Variants in DSCAM observed in about 807,000 individuals in gnomAD.
DSCAM encodes cell adhesion molecule DSCAM.
A neutral mutation model predicts 217.7 loss-of-function variants in DSCAM; 47 were observed. The ratio of observed to expected loss-of-function variants is 0.22; its 90% CI spans 0.17 to 0.28. The LOEUF (loss-of-function observed/expected upper bound fraction) is 0.28, where lower values mean the gene tolerates loss of function less well. Among genes scored for constraint, DSCAM ranks in the 10% least tolerant of loss-of-function variants. DSCAM has a pLI of 1.00. For synonymous variants in DSCAM, 1,056 were observed against 1,015.3 expected, an observed-to-expected ratio of 1.04 and a Z score of -0.76; for missense variants, 2,080 against 2,618.3, an observed-to-expected ratio of 0.79 and a Z score of 4.49.
chr21:40,680,743 T>C (rs1266492415), intron 3 of DSCAM, among the ~76,000 whole-genome samples: 1 of 152,262 alleles, frequency 6.6e-6, no homozygotes. Context: ...GTAAATACTC[T>C]CATTACTTCT....
intron 16 of DSCAM, among the ~76,000 whole-genome samples, chr21:40,155,919 G>A (rs1386430828): frequency 6.6e-6 from 1 of 152,010 alleles, no homozygotes; most frequent in East Asian, 1.9e-4. Context: ...GGAGGGCAGG[G>A]CGTGGGAAGC....
At chr21:40,366,432 C>T (rs1434835237) in intron 4 of DSCAM, among the ~76,000 whole-genome samples, 1 of 152,076 alleles carries the variant, frequency 6.6e-6, no homozygotes, top group Non-Finnish European at 1.5e-5. Context: ...TAGAACTCTT[C>T]ATTTTTCTAA....
chr21:40,016,047 C>T lies in DSCAM; in HGVS notation c.5687-2661G>A, dbSNP rs1601226991. 2.0e-5 allele frequency among the ~76,000 whole-genome samples: 3 copies of T among 152,308 alleles called. No homozygotes were observed. The highest frequency in any genetic ancestry group is 7.2e-5 in the African/African-American group (3 of 41,558). On this transcript the variant is annotated intron_variant, in intron 32 of 32. Transcript: ENST00000400454. This position sits in a 1 kb window ranked among gnomAD's most constrained non-coding sequence, Gnocchi z 4.3. The stretch of plus-strand genomic sequence containing the variant: ...GTCTGAAGGACTCACCATCTTGGCA[C>T]ACCTGTAACTCGTGACATACCAGGT...
chr21:40,751,499 G>A (rs75732040), intron 1 of DSCAM, among the ~76,000 whole-genome samples: 4,238 of 152,262 alleles, frequency 0.028, 95 homozygotes, highest in Non-Finnish European at 0.043. Flanking sequence ...CATCACCATG[G>A]ATAAATCTCA....
chr21:40,347,298 C>CA (rs796531226), intron 6 of DSCAM, among the ~76,000 whole-genome samples: 2,914 of 79,218 alleles, frequency 0.037, 48 homozygotes, highest in Middle Eastern at 0.067. Context: ...AACTCCATCT[C>CA]AAAAAAAAAA....
chr21:40,763,860 A>G (rs2091360553), intron 1 of DSCAM, among the ~76,000 whole-genome samples: 1 of 152,246 alleles, frequency 6.6e-6, no homozygotes, highest in Admixed American at 6.5e-5. Context: ...TTCCCTATTT[A>G]ATAAATGGTG....
intron 3 of DSCAM, among the ~76,000 whole-genome samples, chr21:40,414,860 G>C (rs1328260710): frequency 6.6e-6 from 1 of 152,120 alleles, no homozygotes; most frequent in Non-Finnish European, 1.5e-5. Context: ...TCAAGACATG[G>C]GACAAAGGAA....
At chr21:40,743,316 A>G (rs920391426) in intron 1 of DSCAM, among the ~76,000 whole-genome samples, 2 of 152,198 alleles carry the variant, frequency 1.3e-5, no homozygotes, top group Admixed American at 1.3e-4. Context: ...ATCTTGCCCA[A>G]AATAAATTGT....
intron 3 of DSCAM, among the ~76,000 whole-genome samples, chr21:40,689,677 C>A (rs1378324683): frequency 6.6e-6 from 1 of 152,218 alleles, no homozygotes; most frequent in Non-Finnish European, 1.5e-5. Context: ...ACAAACTTCC[C>A]AGCCAGATCC....
At chr21:40,816,473 G>A (rs1192447694) in intron 1 of DSCAM, among the ~76,000 whole-genome samples, 1 of 152,164 alleles carries the variant, frequency 6.6e-6, no homozygotes, top group African/African-American at 2.4e-5. Context: ...CACCTACTCG[G>A]GAGGCTGAGG....
intron 3 of DSCAM, among the ~76,000 whole-genome samples, chr21:40,442,631 T>C (rs2075641545): frequency 6.7e-6 from 1 of 150,324 alleles, no homozygotes; most frequent in African/African-American, 2.4e-5. Flanking sequence ...GAAGTTCTTC[T>C]GCCTCAGCCT....
At chr21:40,804,806 A>G (rs1391218334) in intron 1 of DSCAM, among the ~76,000 whole-genome samples, 2 of 152,078 alleles carry the variant, frequency 1.3e-5, no homozygotes, top group Non-Finnish European at 2.9e-5. Flanking sequence ...ATTCCCATCT[A>G]TAAGTCAACA....
At chr21:40,656,310 A>G (rs2090075568) in intron 3 of DSCAM, among the ~76,000 whole-genome samples, 1 of 143,202 alleles carries the variant, frequency 7.0e-6, no homozygotes, top group African/African-American at 3.0e-5. Flanking sequence ...GATGATCTTT[A>G]GTTTCCTCAC....
At chr21:40,029,320 G>T (rs143277980) in intron 32 of DSCAM, among the ~76,000 whole-genome samples, 1 of 152,086 alleles carries the variant, frequency 6.6e-6, no homozygotes, top group African/African-American at 2.4e-5. Context: ...CCCCACTAGT[G>T]GTAGGGAAAG....
chr21:40,206,080 C>T (rs958390841), intron 11 of DSCAM, among the ~76,000 whole-genome samples: 10 of 152,202 alleles, frequency 6.6e-5, no homozygotes, highest in South Asian at 2.1e-4. Flanking sequence ...TCTGACACAA[C>T]GTGTAACCTG....
intron 1 of DSCAM, among the ~76,000 whole-genome samples, chr21:40,754,999 A>G (rs2091262005): frequency 6.6e-6 from 1 of 152,208 alleles, no homozygotes; most frequent in Non-Finnish European, 1.5e-5. Flanking sequence ...AAGGCAGAAC[A>G]AAGCTTGGAG....
chr21:40,052,159 C>A, intron 29 of DSCAM, 52 bp from the exon 30 acceptor site: 1 of 1,598,754 alleles, frequency 6.3e-7, no homozygotes, highest in South Asian at 1.1e-5. Context: ...TCCCTTCCAA[C>A]CACTCCCTGG....
chr21:40,042,679 C>T lies in DSCAM; in HGVS notation c.5384-6G>A, dbSNP rs766191893. ...CATGCTGCTTCTTGCTCGATCTACA[C>T]CAGGAAAGAGAAAAACAAGACGGAC... On this transcript the variant is annotated splice_region_variant and splice_polypyrimidine_tract_variant and intron_variant, in intron 31 of 32. Transcript: ENST00000400454. 1.3e-6 allele frequency: 2 copies of T among 1,594,666 alleles called. No individual in the cohort carries two copies. Among genetic ancestry groups the T allele is most frequent in the Non-Finnish European group, 1.7e-6 (2 of 1,171,938 alleles).
At position 40,142,568 on chromosome 21, in the gene DSCAM, G is replaced by T. The variant is rs2090305295; in HGVS notation, c.3396C>A (p.Leu1132=). The T allele has an allele frequency of 3.1e-6, 5 of 1,614,078 alleles. 1 individual carries two copies. The highest frequency in any genetic ancestry group is 1.3e-5 in the African/African-American group (1 of 75,042). Residue 1132 remains leucine, a synonymous_variant, in exon 18 of 33, where the codon CTC becomes CTA. Transcript: ENST00000400454. ...QGFRVIYWAN[L]MDGELGEIKN... ...GTTTAGTCCTCTTACCTCCGTCCAT[G>T]AGGTTGGCCCAGTAAATGACTCTGA...
Sources: gnomAD v4.1 joint callset for allele counts (sites outside exome capture counted in the v4.1 genomes callset) on GRCh38, gnomAD v4.1.1 for gene constraint, Gnocchi (gnomAD v3.1) non-coding constraint, MANE v1.5 for transcripts, NCBI Gene and HGNC (gene_info 2026-07-23, HGNC 2026-07-21) for gene names.